NRXN3: variants seen among roughly 807,000 people sequenced by gnomAD.
NRXN3 encodes neurexin 3, also known as neurexin III.
A neutral mutation model predicts 137.6 loss-of-function variants in NRXN3; 32 were observed. That is an observed-to-expected ratio of 0.23 (90% CI 0.18 to 0.31). The LOEUF is 0.31. Among genes scored for constraint, NRXN3 ranks in the 10% least tolerant of loss-of-function variants. The pLI, the probability that NRXN3 is intolerant of heterozygous loss-of-function variation, is 1.00. For missense variants in NRXN3, 1,574 were observed against 2,062.5 expected (o/e 0.76, Z 4.59); for synonymous variants, 798 against 784.5 (o/e 1.02, Z -0.29).
At chr14:78,718,369 A>G (rs1011402655) in intron 8 of NRXN3, among the ~76,000 whole-genome samples, 2 of 152,138 alleles carry the variant, frequency 1.3e-5, no homozygotes, top group Non-Finnish European at 2.9e-5. Context: ...TGAAGAAAGC[A>G]TAGATGGAAT....
At chr14:78,400,443 A>C (rs766559731) in intron 4 of NRXN3, among the ~76,000 whole-genome samples, 2 of 152,216 alleles carry the variant, frequency 1.3e-5, no homozygotes, top group Non-Finnish European at 2.9e-5. Context: ...TCTTTTATAG[A>C]AACTTTACCT....
intron 6 of NRXN3, among the ~76,000 whole-genome samples, chr14:78,706,099 A>G (rs1374828946): frequency 6.6e-6 from 1 of 151,796 alleles, no homozygotes; most frequent in Non-Finnish European, 1.5e-5. Flanking sequence ...CTCTCTTTCT[A>G]TTTATTGTTC....
chr14:79,451,707 G>T (rs189153561), intron 15 of NRXN3, among the ~76,000 whole-genome samples: 8 of 152,308 alleles, frequency 5.3e-5, no homozygotes, highest in Admixed American at 6.5e-5. Flanking sequence ...AAGTGGGAGG[G>T]CTGATCAAAA....
intron 10 of NRXN3, among the ~76,000 whole-genome samples, chr14:78,876,764 A>C (rs1450012470): frequency 1.3e-5 from 2 of 152,216 alleles, no homozygotes; most frequent in African/African-American, 4.8e-5. Context: ...ATAGGTTCCT[A>C]ATGACACTTA....
At chr14:79,378,637 C>T (rs1852165605) in intron 15 of NRXN3, among the ~76,000 whole-genome samples, 1 of 152,172 alleles carries the variant, frequency 6.6e-6, no homozygotes, top group South Asian at 2.1e-4. Context: ...TTCCCCTTTA[C>T]ACTGTGAAAT....
chr14:79,543,308 G>C lies in NRXN3; in HGVS notation c.3444+75906G>C, dbSNP rs80353450. On this transcript the variant is annotated intron_variant, in intron 16 of 20. Coordinates refer to ENST00000335750, the MANE Select transcript of NRXN3 (RefSeq NM_001330195.2). ...CTTTCATGACATATTCCAGCATCCTGTTAAATTGATCAGAAGACCAATTGC... is the reference window on the plus strand; with the variant it reads ...CTTTCATGACATATTCCAGCATCCTCTTAAATTGATCAGAAGACCAATTGC... Among the ~76,000 whole-genome samples, 942 of 152,290 alleles carry C rather than the reference G, an allele frequency of 6.2e-3. 10 individuals are homozygous for C. The highest frequency in any genetic ancestry group is 0.022 in the African/African-American group (905 of 41,580).
At chr14:78,525,246 G>T (rs1170986503) in intron 4 of NRXN3, among the ~76,000 whole-genome samples, 1 of 152,152 alleles carries the variant, frequency 6.6e-6, no homozygotes, top group Non-Finnish European at 1.5e-5. Context: ...CTAAATAGAG[G>T]CTTTCTCCCT....
intron 16 of NRXN3, among the ~76,000 whole-genome samples, chr14:79,470,111 AT>A (rs1485160887): frequency 1.3e-5 from 2 of 152,178 alleles, no homozygotes; most frequent in African/African-American, 4.8e-5. Context: ...CTTTGGGGCC[AT>A]TAATGAAAGT....
intron 20 of NRXN3, among the ~76,000 whole-genome samples, chr14:79,827,159 A>T (rs2099306425): frequency 6.6e-6 from 1 of 152,192 alleles, no homozygotes; most frequent in Non-Finnish European, 1.5e-5. Context: ...CCTCCAAATA[A>T]ATGTGTGATG....
chr14:78,715,100 T>C lies in NRXN3; in HGVS notation c.2005T>C (p.Cys669Arg). 6.2e-7 allele frequency: 1 copy of C among 1,612,350 alleles called. No individual in the cohort carries two copies. The highest frequency in any genetic ancestry group is 8.5e-7 in the Non-Finnish European group (1 of 1,179,654). ...CGGCTGGAACCGCTTCATCTGCGAC[T>C]GCACCGGCACCGGATACTGGGGAAG... ...KDGWNRFICDCTGTGYWGRTC... is the reference protein window; with the variant it reads ...KDGWNRFICDRTGTGYWGRTC... Residue 669 changes from cysteine to arginine, a missense_variant, in exon 8 of 21, where the codon TGC (cysteine) becomes CGC (arginine). Cys to Arg is a radical substitution (Grantham distance 180). Transcript: ENST00000335750.
intron 10 of NRXN3, among the ~76,000 whole-genome samples, chr14:78,867,019 G>A (rs1314330554): frequency 1.3e-5 from 2 of 151,904 alleles, no homozygotes; most frequent in African/African-American, 2.4e-5. Flanking sequence ...GGATGGTCTC[G>A]ATCTCTTGAC....
intron 10 of NRXN3, among the ~76,000 whole-genome samples, chr14:78,926,913 T>TATATATA (rs1162475983): frequency 3.0e-5 from 1 of 33,188 alleles, no homozygotes; most frequent in Non-Finnish European, 4.2e-5. Flanking sequence ...ATATATAATA[T>TATATATA]ATATATAATA....
chr14:79,808,251 A>ATATATATAT (rs1195356128), intron 20 of NRXN3, among the ~76,000 whole-genome samples: 2 of 133,770 alleles, frequency 1.5e-5, no homozygotes, highest in East Asian at 2.1e-4. Context: ...AAAAAAAAAA[A>ATATATATAT]AAAAATATAT....
At chr14:79,172,589 T>A (rs1030475591) in intron 15 of NRXN3, among the ~76,000 whole-genome samples, 1 of 152,196 alleles carries the variant, frequency 6.6e-6, no homozygotes, top group Non-Finnish European at 1.5e-5. Flanking sequence ...TTTATATTTT[T>A]AAACTATAAA....
intron 8 of NRXN3, among the ~76,000 whole-genome samples, chr14:78,763,161 A>G (rs1328483175): frequency 6.6e-6 from 1 of 152,238 alleles, no homozygotes; most frequent in African/African-American, 2.4e-5. Context: ...CCTTTGCTAC[A>G]GGTCCACTGC....
chr14:78,715,113 G>A lies in NRXN3; in HGVS notation c.2018G>A (p.Gly673Glu). ...TTCATCTGCGACTGCACCGGCACCG[G>A]ATACTGGGGAAGAACCTGCGAAAGG... Reference protein sequence around the residue: ...NRFICDCTGTGYWGRTCEREA... With the variant: ...NRFICDCTGTEYWGRTCEREA... Residue 673 changes from glycine (G) to glutamate (E), a missense_variant, in exon 8 of 21, where the codon GGA becomes GAA. Physicochemically the swap from Gly to Glu is moderately conservative, Grantham distance 98. Around this residue, in one of 5 missense-constraint regions of NRXN3, gnomAD observed 718 missense variants for 887.6 expected, o/e 0.81. Transcript: ENST00000335750. 6.2e-7 allele frequency: 1 copy of A among 1,610,386 alleles called. No homozygotes were observed. Among genetic ancestry groups the A allele is most frequent in the East Asian group, 2.2e-5 (1 of 44,824 alleles).
chr14:79,711,511 G>A (rs188631494), intron 19 of NRXN3, among the ~76,000 whole-genome samples: 1 of 150,656 alleles, frequency 6.6e-6, no homozygotes, highest in Admixed American at 6.6e-5. Context: ...ATAGAGATGA[G>A]GTCTTACTTT....
intron 2 of NRXN3, among the ~76,000 whole-genome samples, chr14:78,267,747 T>C (rs1042434218): frequency 6.6e-6 from 1 of 152,194 alleles, no homozygotes; most frequent in Non-Finnish European, 1.5e-5. Flanking sequence ...TCAAAGACTT[T>C]GAAGCGTTCT....
chr14:78,330,907 C>T (rs1262193103), intron 4 of NRXN3, among the ~76,000 whole-genome samples: 4 of 152,146 alleles, frequency 2.6e-5, no homozygotes, highest in Non-Finnish European at 5.9e-5. Flanking sequence ...TCTGTAAGTA[C>T]ATACCTGTTG....
Sources: allele counts gnomAD v4.1 joint callset (sites outside exome capture counted in the v4.1 genomes callset), GRCh38; gene constraint gnomAD v4.1.1; regional missense constraint gnomAD v4.1.1; transcripts MANE v1.5; gene names NCBI Gene and HGNC (gene_info 2026-07-23, HGNC 2026-07-21).